The following EYS variants were observed in gnomAD, a reference collection of about 807,000 sequenced individuals.
EYS encodes the protein protein eyes shut homolog.
In EYS, 250 loss-of-function variants were observed where a neutral mutation model predicts 282.1. The ratio of observed to expected loss-of-function variants is 0.89; its 90% CI spans 0.80 to 0.98. The LOEUF (loss-of-function observed/expected upper bound fraction) is 0.98, where lower values mean the gene tolerates loss of function less well. Ranked by LOEUF, EYS falls within the 50% of genes least tolerant of loss-of-function variation. The pLI is 0.00. For synonymous variants in EYS, 1,355 were observed against 1,282.9 expected (o/e 1.06, Z -1.20); for missense variants, 4,016 against 3,709.0 (o/e 1.08, Z -2.15).
chr6:64,445,716 CT>C (rs1775098007), intron 26 of EYS, among the ~76,000 whole-genome samples: 1 of 152,100 alleles, frequency 6.6e-6, no homozygotes, highest in Non-Finnish European at 1.5e-5. Context: ...AATGTGATGG[CT>C]AGTCACTCCG....
chr6:63,880,493 A>G (rs1385167968), intron 35 of EYS, among the ~76,000 whole-genome samples: 1 of 151,390 alleles, frequency 6.6e-6, no homozygotes, highest in African/African-American at 2.4e-5. Flanking sequence ...GTCTGTATCT[A>G]TCTATCTATC....
In EYS at chr6:63,853,164, G is replaced by C. The variant is rs150473863; in HGVS notation, c.7228+11022C>G. Among the ~76,000 whole-genome samples, 847 of 152,180 alleles carry C rather than the reference G, an allele frequency of 5.6e-3. 6 individuals are homozygous for C. Among genetic ancestry groups the C allele is most frequent in the African/African-American group, 0.019 (786 of 41,548 alleles). On this transcript the variant is annotated intron_variant, in intron 36 of 42. Coordinates refer to ENST00000503581, the MANE Select transcript of EYS (RefSeq NM_001142800.2). The stretch of plus-strand genomic sequence containing the variant: ...AAGGCAAGAGAAAGAAATAATGGGT[G>C]TTCAAATAAGAAGAGAGGAAGTCAA...
intron 22 of EYS, among the ~76,000 whole-genome samples, chr6:64,698,942 A>G (rs1368536024): frequency 6.6e-6 from 1 of 152,190 alleles, no homozygotes; most frequent in Non-Finnish European, 1.5e-5. Flanking sequence ...TAAAAGCAGA[A>G]CTATGATTCA....
At chr6:64,748,844 C>T (rs1053895557) in intron 22 of EYS, among the ~76,000 whole-genome samples, 7 of 152,346 alleles carry the variant, frequency 4.6e-5, no homozygotes, top group African/African-American at 1.4e-4. Context: ...ATGATCTCGG[C>T]TCACTGCAAC....
At chr6:65,536,206 T>C (rs1477392024) in intron 2 of EYS, among the ~76,000 whole-genome samples, 1 of 151,890 alleles carries the variant, frequency 6.6e-6, no homozygotes, top group Non-Finnish European at 1.5e-5. Context: ...AGATACCTTG[T>C]TAAAGACTAT....
Position 64,147,944 on chromosome 6 carries a change from C to T in EYS, c.6425-65942G>A, listed in dbSNP as rs77217686. Among the ~76,000 whole-genome samples, 307 of 152,208 alleles carry T rather than the reference C, an allele frequency of 2.0e-3. 3 individuals carry two copies. In the East Asian group the frequency reaches 0.038, roughly 19 times the overall value. ...TCAAGCCAGTGAGACTTTGGGGTTG[C>T]CTGATACCATAGCATATTATAGACT... On this transcript the variant is annotated intron_variant, in intron 31 of 42. Coordinates refer to ENST00000503581, the MANE Select transcript of EYS (RefSeq NM_001142800.2).
intron 22 of EYS, among the ~76,000 whole-genome samples, chr6:64,752,496 A>C (rs182277730): frequency 3.3e-4 from 50 of 152,304 alleles, no homozygotes; most frequent in Admixed American, 3.2e-3. Context: ...GCATTCAAAA[A>C]ATATGTGATT....
At chr6:65,165,178 C>T (rs542470078) in intron 12 of EYS, among the ~76,000 whole-genome samples, 1 of 151,122 alleles carries the variant, frequency 6.6e-6, no homozygotes, top group Non-Finnish European at 1.5e-5. Context: ...ACCATAACTC[C>T]ATTAAGCTAA....
chr6:64,119,611 C>T (rs1231132431), intron 31 of EYS, among the ~76,000 whole-genome samples: 1 of 152,118 alleles, frequency 6.6e-6, no homozygotes, highest in Non-Finnish European at 1.5e-5. Context: ...TACCCATTTC[C>T]AGTAATGGGT....
At chr6:64,114,040 G>T (rs1025846416) in intron 31 of EYS, among the ~76,000 whole-genome samples, 2 of 151,956 alleles carry the variant, frequency 1.3e-5, no homozygotes, top group Non-Finnish European at 2.9e-5. Context: ...TTACTACCTG[G>T]CCCTTTACAG....
chr6:64,435,434 CTT>C lies in EYS; in HGVS notation c.5927+738_5927+739del, dbSNP rs1464528516. On this transcript the variant is annotated intron_variant, in intron 28 of 42. Transcript: ENST00000503581. ...CAGTCTCTGTTTAGGACTTCTTCTT[CTT>C]CCTTTTTTTTTTTTTTTCCTTTTTA... is the stretch of plus-strand genomic sequence containing the variant. Among the ~76,000 whole-genome samples, 601 of 136,778 alleles carry C rather than the reference CTT, an allele frequency of 4.4e-3. 4 individuals carry two copies. The highest frequency in any genetic ancestry group is 0.015 in the African/African-American group (558 of 37,898). 89.7% of individuals were successfully genotyped at this position (136,778 alleles called of 152,430 possible).
At chr6:64,688,346 C>T (rs1770239400) in intron 22 of EYS, among the ~76,000 whole-genome samples, 1 of 152,032 alleles carries the variant, frequency 6.6e-6, no homozygotes, top group African/African-American at 2.4e-5. Flanking sequence ...TTCCTGCTTT[C>T]TCTTATGGGC....
chr6:65,476,427 T>G (rs1412076909), intron 5 of EYS, among the ~76,000 whole-genome samples: 1 of 152,214 alleles, frequency 6.6e-6, no homozygotes, highest in Non-Finnish European at 1.5e-5. Flanking sequence ...CTTAATTTAA[T>G]TCACTTATCT....
intron 30 of EYS, among the ~76,000 whole-genome samples, chr6:64,302,618 A>G (rs1269587082): frequency 1.3e-5 from 2 of 152,164 alleles, no homozygotes; most frequent in African/African-American, 4.8e-5. Context: ...ACATTCCATA[A>G]GCATCTCAAA....
At chr6:64,827,956 T>C (rs1765106077) in intron 19 of EYS, among the ~76,000 whole-genome samples, 1 of 151,750 alleles carries the variant, frequency 6.6e-6, no homozygotes, top group Non-Finnish European at 1.5e-5. Context: ...AAGGTTGAAA[T>C]TATCAGAGAA....
At chr6:65,457,033 G>A (rs1166666881) in intron 5 of EYS, among the ~76,000 whole-genome samples, 1 of 152,070 alleles carries the variant, frequency 6.6e-6, no homozygotes, top group African/African-American at 2.4e-5. Flanking sequence ...TTTGTGATTG[G>A]TTTTAGCTAA....
chr6:63,865,011 G>A (rs139407234), intron 35 of EYS, among the ~76,000 whole-genome samples: 2 of 152,242 alleles, frequency 1.3e-5, no homozygotes, highest in East Asian at 3.9e-4. Context: ...TGCATCCATT[G>A]CCCCATTTAA....
chr6:64,704,829 T>C (rs776660797), intron 22 of EYS, among the ~76,000 whole-genome samples: 16 of 152,044 alleles, frequency 1.1e-4, no homozygotes, highest in Non-Finnish European at 2.1e-4. Flanking sequence ...CATCTAACTG[T>C]AATGCCATAA....
intron 25 of EYS, 130 bp downstream of exon 25, chr6:64,592,987 G>A: frequency 1.6e-6 from 1 of 612,180 alleles, no homozygotes; most frequent in Non-Finnish European, 2.6e-6. Flanking sequence ...AACCAATAAT[G>A]CTTAATTTTA....
Sources: gnomAD v4.1 joint callset for allele counts (sites outside exome capture counted in the v4.1 genomes callset) on GRCh38, gnomAD v4.1.1 for gene constraint, MANE v1.5 for transcripts, NCBI Gene and HGNC (gene_info 2026-07-23, HGNC 2026-07-21) for gene names.